Variants in ZFHX3 observed in about 807,000 individuals in gnomAD.
The protein encoded by ZFHX3 is zinc finger homeobox protein 3.
ZFHX3 carries 42 observed loss-of-function variants against 279.1 expected under a neutral mutation model. That is an observed-to-expected ratio of 0.15 (90% CI 0.12 to 0.19). The LOEUF is 0.19. Ranked by LOEUF, ZFHX3 falls within the 10% of genes least tolerant of loss-of-function variation. The pLI is 1.00. For synonymous variants in ZFHX3, 2,293 were observed against 1,957.8 expected, an observed-to-expected ratio of 1.17 and a Z score of -4.52; for missense variants, 4,981 against 4,754.0, an observed-to-expected ratio of 1.05 and a Z score of -1.40.
chr16:73,756,668 T>C (rs1000456573), intron 1 of ZFHX3, among the ~76,000 whole-genome samples: 11 of 152,212 alleles, frequency 7.2e-5, no homozygotes, highest in Non-Finnish European at 1.3e-4. Flanking sequence ...ATTTCTAAGC[T>C]TGGGTCCGGA....
intron 4 of ZFHX3, among the ~76,000 whole-genome samples, chr16:73,280,756 C>A (rs752634173): frequency 8.6e-5 from 13 of 151,782 alleles, no homozygotes; most frequent in African/African-American, 2.9e-4. Context: ...CCGAGGCAGG[C>A]GGATTACCTG....
Position 73,460,478 on chromosome 16 carries a change from T to C in ZFHX3, c.-1546-4220A>G, listed in dbSNP as rs185876003. ...CACAAATTTCCATAAATGATCTTTGTGGTATAAATATCCAGGAGTGCAGTT... is the reference window on the plus strand; with the variant it reads ...CACAAATTTCCATAAATGATCTTTGCGGTATAAATATCCAGGAGTGCAGTT... On this transcript the variant is annotated intron_variant, in intron 2 of 17. Coordinates refer to the ZFHX3 transcript ENST00000641206. Among the ~76,000 whole-genome samples, 97 of 152,352 alleles carry C rather than the reference T, an allele frequency of 6.4e-4. 5 individuals carry two copies. The East Asian group carries it at 0.01, about 16-fold the overall frequency.
chr16:73,136,107 C>T (rs112314464), intron 6 of ZFHX3, among the ~76,000 whole-genome samples: 17 of 152,278 alleles, frequency 1.1e-4, no homozygotes, highest in African/African-American at 2.4e-4. Context: ...CCGCCCTCCT[C>T]GGCCTCCTAA....
At chr16:72,937,943 T>G (rs1467474126) in intron 3 of ZFHX3, among the ~76,000 whole-genome samples, 1 of 152,230 alleles carries the variant, frequency 6.6e-6, no homozygotes, top group Non-Finnish European at 1.5e-5. Context: ...TTGCTGTCAG[T>G]AAAGACAAGA....
intron 1 of ZFHX3, among the ~76,000 whole-genome samples, chr16:73,868,574 C>G (rs1437216183): frequency 5.9e-5 from 9 of 152,136 alleles, no homozygotes; most frequent in Admixed American, 5.2e-4. Context: ...GTGGCATTCC[C>G]ACAGCTTCCC....
chr16:72,906,616 G>C (rs1432405529), intron 3 of ZFHX3, among the ~76,000 whole-genome samples: 1 of 152,062 alleles, frequency 6.6e-6, no homozygotes, highest in Admixed American at 6.6e-5. Flanking sequence ...GGCCAACATG[G>C]TAAAACCCTG....
intron 3 of ZFHX3, among the ~76,000 whole-genome samples, chr16:73,447,201 A>G (rs2018203368): frequency 6.6e-6 from 1 of 151,256 alleles, no homozygotes; most frequent in Non-Finnish European, 1.5e-5. Context: ...AAAAAAATGT[A>G]AAACACAAAA....
chr16:72,902,769 A>G (rs2039072160), intron 3 of ZFHX3, among the ~76,000 whole-genome samples: 1 of 152,046 alleles, frequency 6.6e-6, no homozygotes, highest in South Asian at 2.1e-4. Context: ...TCAGAGCACA[A>G]AGGGGCTGAC....
chr16:72,908,763 G>A (rs1029174842), intron 3 of ZFHX3, among the ~76,000 whole-genome samples: 2 of 152,168 alleles, frequency 1.3e-5, no homozygotes, highest in Admixed American at 6.5e-5. Context: ...ACGGCGATAC[G>A]AGAACCTACT....
intron 1 of ZFHX3, among the ~76,000 whole-genome samples, chr16:72,974,396 C>T (rs1317351421): frequency 6.6e-6 from 1 of 152,148 alleles, no homozygotes; most frequent in Non-Finnish European, 1.5e-5. Context: ...GGAAAGTTTC[C>T]CACAGCAGTT....
chr16:73,811,940 CT>C (rs1567418397), intron 1 of ZFHX3, among the ~76,000 whole-genome samples: 1 of 152,170 alleles, frequency 6.6e-6, no homozygotes, highest in Non-Finnish European at 1.5e-5. Flanking sequence ...CTGTGCTGAA[CT>C]TTTTATCTTC....
intron 3 of ZFHX3, among the ~76,000 whole-genome samples, chr16:72,931,415 A>G (rs879358981): frequency 0.032 from 3,098 of 96,320 alleles, 124 homozygotes; most frequent in African/African-American, 0.096. Context: ...ACACACACAC[A>G]CACACACACA....
intron 3 of ZFHX3, among the ~76,000 whole-genome samples, chr16:73,419,642 C>A (rs1284351100): frequency 6.6e-6 from 1 of 151,990 alleles, no homozygotes; most frequent in Admixed American, 6.6e-5. Flanking sequence ...TGGGGTCTCG[C>A]TATGTTGCCC....
chr16:73,839,316 G>A lies in ZFHX3; in HGVS notation c.-1608+52335C>T, dbSNP rs573515709. Reference sequence around the variant, plus strand: ...TGTGGAACTTGCAGCAACAGAGCAAGACTCCATCTCAAAAAAAAAAAAAAA... The same window carrying A: ...TGTGGAACTTGCAGCAACAGAGCAAAACTCCATCTCAAAAAAAAAAAAAAA... On this transcript the variant is annotated intron_variant, in intron 1 of 17. Transcript: ENST00000641206. Among the ~76,000 whole-genome samples the A allele has an allele frequency of 1.0e-4, 6 of 59,752 alleles. No individual in the cohort carries two copies. The South Asian group carries it at 3.3e-3, about 33-fold the overall frequency. 39.2% of individuals were successfully genotyped at this position (59,752 alleles called of 152,430 possible).
chr16:73,086,332 A>T (rs1234456175), intron 8 of ZFHX3, among the ~76,000 whole-genome samples: 1 of 152,234 alleles, frequency 6.6e-6, no homozygotes. Context: ...TAGAACTACC[A>T]TATGATCTGA....
At chr16:73,153,625 AAGG>A (rs1967002643) in intron 5 of ZFHX3, among the ~76,000 whole-genome samples, 1 of 152,068 alleles carries the variant, frequency 6.6e-6, no homozygotes. Flanking sequence ...TCTTAAGTTT[AAGG>A]GAAGAAATAA....
chr16:72,822,372 C>T (rs1054276257), intron 5 of ZFHX3, among the ~76,000 whole-genome samples: 1 of 152,156 alleles, frequency 6.6e-6, no homozygotes. Context: ...ATATATCTGA[C>T]TCAGAAGGCA....
intron 1 of ZFHX3, among the ~76,000 whole-genome samples, chr16:73,687,019 T>A (rs1347392190): frequency 9.7e-5 from 2 of 20,610 alleles, no homozygotes; most frequent in African/African-American, 2.5e-4. Flanking sequence ...TAAATATATA[T>A]ATATATATAT....
At chr16:73,270,777 C>G (rs1250473084) in intron 4 of ZFHX3, among the ~76,000 whole-genome samples, 2 of 152,184 alleles carry the variant, frequency 1.3e-5, no homozygotes, top group Non-Finnish European at 2.9e-5. Flanking sequence ...TACCTTGACA[C>G]TAATGAGATT....
Sources: gnomAD v4.1 joint callset for allele counts (sites outside exome capture counted in the v4.1 genomes callset) on GRCh38, gnomAD v4.1.1 for gene constraint, MANE v1.5 for transcripts, NCBI Gene and HGNC (gene_info 2026-07-23, HGNC 2026-07-21) for gene names.